Variants in ITPR3 observed in about 807,000 individuals in gnomAD.
ITPR3 encodes the protein inositol 1,4,5-trisphosphate-gated calcium channel ITPR3.
ITPR3 carries 173 observed loss-of-function variants against 293.2 expected under a neutral mutation model. The ratio of observed to expected loss-of-function variants is 0.59; its 90% confidence interval spans 0.52 to 0.67. The LOEUF is 0.67. Among genes scored for constraint, ITPR3 ranks in the 30% least tolerant of loss-of-function variants. The probability of loss-of-function intolerance (pLI) is 0.00; values close to 1 mark genes in which losing one functional copy is unlikely to be tolerated. For missense variants in ITPR3, 2,796 were observed against 3,592.1 expected (o/e 0.78, Z 5.66); for synonymous variants, 1,295 against 1,444.4 (o/e 0.90, Z 2.35).
chr6:33,680,641 C>T lies in ITPR3; in HGVS notation c.4437C>T (p.Phe1479=). ...LSVVLDTINA[F]FSSPFSENST... is the part of the protein sequence containing the mutation. Reference sequence around the variant, plus strand: ...TTGTGCTGGACACCATCAACGCCTTCTTCAGCTCCCCATTCTCTGAGAACA... The same window carrying T: ...TTGTGCTGGACACCATCAACGCCTTTTTCAGCTCCCCATTCTCTGAGAACA... Residue 1479 remains phenylalanine (F), a synonymous_variant, in exon 33 of 58, where the codon TTC becomes TTT. Coordinates refer to ENST00000605930, the MANE Select transcript of ITPR3 (RefSeq NM_002224.4). 2 of 1,614,110 alleles carry T rather than the reference C, an allele frequency of 1.2e-6. No individual in the cohort carries two copies. Among genetic ancestry groups the T allele is most frequent in the Non-Finnish European group, 1.7e-6 (2 of 1,179,988 alleles).
At chr6:33,686,365 T>C (rs1225486078) in intron 42 of ITPR3, 44 bp from the exon 43 acceptor site, 1 of 1,599,986 alleles carries the variant, frequency 6.3e-7, no homozygotes, top group Non-Finnish European at 8.6e-7. Flanking sequence ...CTGCCACTAT[T>C]CTGAGAGGGC....
rs376639833 is a variant in ITPR3 at position 33,694,954 on chromosome 6, C to G, written c.7816C>G (p.Arg2606Gly). The G allele has an allele frequency of 6.2e-6, 10 of 1,614,064 alleles. No homozygotes were observed. In the East Asian group the frequency reaches 6.7e-5, roughly 11 times the overall value. The change falls in exon 57 of 58, where the codon CGG becomes GGG. Residue 2606 changes from arginine (R) to glycine (G), a missense_variant. This residue lies in a region of ITPR3 where 568 missense variants were observed against 796.1 expected (regional missense o/e 0.71). Coordinates refer to ENST00000605930, the MANE Select transcript of ITPR3 (RefSeq NM_002224.4). ...GAACCTGGACTGGTTCCCCCGGATG[C>G]GGGCCATGTCCCTTGTCAGCAATGA... is the stretch of plus-strand genomic sequence containing the variant. ...NKNLDWFPRM[R>G]AMSLVSNEGE...
At position 33,672,368 on chromosome 6, in the gene ITPR3, C is replaced by A. The variant is rs1396168567; in HGVS notation, c.2928+140C>A. On this transcript the variant is annotated intron_variant, in intron 22 of 57. Coordinates refer to ENST00000605930, the MANE Select transcript of ITPR3 (RefSeq NM_002224.4). The surrounding 1 kb of genome is among the most constrained non-coding windows in gnomAD (Gnocchi z 5.0). ...GTCTCCATCGTGACTGGCTGTCAGG[C>A]CCAGCGGTTCCCACAGTGTGGTTCT... is the stretch of plus-strand genomic sequence containing the variant. The A allele has an allele frequency of 5.6e-6, 4 of 716,268 alleles. No homozygotes were observed. The East Asian group carries it at 1.1e-4, about 20-fold the overall frequency. 44.4% of individuals were successfully genotyped at this position (716,268 alleles called of 1,614,324 possible).
rs550951097 is a variant in ITPR3 at position 33,686,943 on chromosome 6, G to A, written c.5980-66G>A. 2.0e-4 allele frequency: 253 copies of A among 1,260,612 alleles called. 3 individuals are homozygous for A. In the South Asian group the frequency reaches 2.8e-3, roughly 14 times the overall value. 78.1% of individuals were successfully genotyped at this position (1,260,612 alleles called of 1,614,324 possible). On this transcript the variant is annotated intron_variant, in intron 43 of 57. Coordinates refer to ENST00000605930, the MANE Select transcript of ITPR3 (RefSeq NM_002224.4). ...GGAGAGCTGTTATGGAGAGGAATGA[G>A]GGAGAAGTTGTCAGGGGCATGGTGT...
intron 7 of ITPR3, among the ~76,000 whole-genome samples, chr6:33,660,703 TG>T (rs1764440111): frequency 6.6e-6 from 1 of 151,780 alleles, no homozygotes; most frequent in South Asian, 2.1e-4. Flanking sequence ...CCGAAGCGGG[TG>T]GATCACTTGA....
chr6:33,650,202 G>T (rs1764155065), intron 2 of ITPR3, among the ~76,000 whole-genome samples: 1 of 152,192 alleles, frequency 6.6e-6, no homozygotes, highest in African/African-American at 2.4e-5. Context: ...GAAGGCTCAG[G>T]CCCCTTCTGG....
Position 33,675,822 on chromosome 6 carries a change from G to T in ITPR3, c.3248G>T (p.Ser1083Ile). The change falls in exon 25 of 58, where the codon AGC (serine) becomes ATC (isoleucine). Residue 1083 changes from serine (S) to isoleucine (I), a missense_variant. Around this residue, in one of 8 missense-constraint regions of ITPR3, gnomAD observed 955 missense variants for 1,180.8 expected, o/e 0.81. Transcript: ENST00000605930. This position sits in a 1 kb window ranked among gnomAD's most constrained non-coding sequence, Gnocchi z 5.0. ...GALQLLFKHF[S>I]QRQEAMHTFK... ...CTGCAGCTGCTCTTCAAGCACTTCA[G>T]CCAGCGCCAGGAGGCCATGCACACC... 1 of 1,587,402 alleles carries T rather than the reference G, an allele frequency of 6.3e-7. No individual in the cohort carries two copies. Among genetic ancestry groups the T allele is most frequent in the Non-Finnish European group, 8.6e-7 (1 of 1,167,062 alleles).
chr6:33,637,499 C>T (rs1017013450), intron 1 of ITPR3, among the ~76,000 whole-genome samples: 2 of 152,164 alleles, frequency 1.3e-5, no homozygotes, highest in Non-Finnish European at 2.9e-5. Flanking sequence ...AACGGAGTCC[C>T]GCTCTTTTGC....
chr6:33,622,153 A>C (rs1375566028), intron 1 of ITPR3, among the ~76,000 whole-genome samples: 1 of 151,894 alleles, frequency 6.6e-6, no homozygotes, highest in African/African-American at 2.4e-5. Context: ...GAGGGGTCGC[A>C]CCTTCTCCTC....
At position 33,628,582 on chromosome 6, in the gene ITPR3, A is replaced by C. The variant is rs190282730; in HGVS notation, c.89+6891A>C. Among the ~76,000 whole-genome samples, 28 of 152,288 alleles carry C rather than the reference A, an allele frequency of 1.8e-4. No homozygotes were observed. In the East Asian group the frequency reaches 4.6e-3, roughly 25 times the overall value. On this transcript the variant is annotated intron_variant, in intron 1 of 57. Transcript: ENST00000605930. ...GCAGAAATGAGGCTGGGCGTTCACA[A>C]CACAGTGAGTCCAGGGTGTGGGCTG...
At chr6:33,626,868 C>A (rs1763560222) in intron 1 of ITPR3, among the ~76,000 whole-genome samples, 1 of 152,224 alleles carries the variant, frequency 6.6e-6, no homozygotes, top group Non-Finnish European at 1.5e-5. Flanking sequence ...TACAATGGCA[C>A]AATCTCAGCT....
chr6:33,685,115 C>T (rs868317980), intron 39 of ITPR3, among the ~76,000 whole-genome samples, 172 bp downstream of exon 39: 1 of 152,104 alleles, frequency 6.6e-6, no homozygotes, highest in Admixed American at 6.5e-5. Context: ...GGTGAGGAGA[C>T]GGGCTCAGGC....
In ITPR3 at chr6:33,691,517, C is replaced by A; in HGVS notation, c.7226-98C>A. ...ACAGTGGAGGGCTGGCGATCCAGGACCAGGGAAGGTTTCCTGGAGGATGTG... is the reference window on the plus strand; with the variant it reads ...ACAGTGGAGGGCTGGCGATCCAGGAACAGGGAAGGTTTCCTGGAGGATGTG... On this transcript the variant is annotated intron_variant, in intron 52 of 57. Coordinates refer to ENST00000605930, the MANE Select transcript of ITPR3 (RefSeq NM_002224.4). The surrounding 1 kb of genome is among the most constrained non-coding windows in gnomAD (Gnocchi z 4.9). The A allele has an allele frequency of 1.0e-6, 1 of 988,486 alleles. No homozygotes were observed. 61.2% of individuals were successfully genotyped at this position (988,486 alleles called of 1,614,324 possible).
chr6:33,687,187 C>T lies in ITPR3; in HGVS notation c.6076-39C>T, dbSNP rs746365418. 1 of 1,597,666 alleles carries T rather than the reference C, an allele frequency of 6.3e-7. No individual in the cohort carries two copies. The highest frequency in any genetic ancestry group is 2.2e-5 in the East Asian group (1 of 44,780). ...ATGAGGGCCCGGCTGGCCCTACCGC[C>T]CTAGGAAGAGAGCATTGGAACAGGC... On this transcript the variant is annotated intron_variant, in intron 44 of 57. Transcript: ENST00000605930. The surrounding 1 kb of genome is among the most constrained non-coding windows in gnomAD (Gnocchi z 5.3).
chr6:33,671,957 C>T, intron 21 of ITPR3, 72 bp from the exon 22 acceptor site: 1 of 1,384,268 alleles, frequency 7.2e-7, no homozygotes, highest in East Asian at 2.3e-5. Flanking sequence ...CTGCCTCCCT[C>T]ATCAGACCAG....
chr6:33,691,585 T>C lies in ITPR3; in HGVS notation c.7226-30T>C, dbSNP rs1765390962. 6.3e-7 allele frequency: 1 copy of C among 1,586,604 alleles called. No individual in the cohort carries two copies. The highest frequency in any genetic ancestry group is 1.3e-5 in the African/African-American group (1 of 74,410). On this transcript the variant is annotated intron_variant, in intron 52 of 57. Transcript: ENST00000605930. The surrounding 1 kb of genome is among the most constrained non-coding windows in gnomAD (Gnocchi z 4.9). ...AGGGGATAAGGCCAGGCACTGGACC[T>C]CCTGATGATCTCATCCATATCCCCT...
rs900999227 is a variant in ITPR3, at chr6:33,670,069, T to C, written c.2190-256T>C. ...CACTGCCCTCCCCTGTCTCCCACCC[T>C]TTCCCTCATCTTTCAGACGTCCCTC... On this transcript the variant is annotated intron_variant, in intron 18 of 57. Transcript: ENST00000605930. This position sits in a 1 kb window ranked among gnomAD's most constrained non-coding sequence, Gnocchi z 6.7. Among the ~76,000 whole-genome samples the C allele has an allele frequency of 4.0e-5, 6 of 148,446 alleles. No individual in the cohort carries two copies. Among genetic ancestry groups the C allele is most frequent in the Non-Finnish European group, 8.9e-5 (6 of 67,090 alleles).
At chr6:33,678,956 AGCTGCTGACCATGGAGGGGAC>A (rs1764993683) in intron 30 of ITPR3, 117 bp downstream of exon 30, 1 of 1,036,742 alleles carries the variant, frequency 9.6e-7, no homozygotes, top group African/African-American at 1.6e-5. Context: ...AGGAACACTC[AGCTGCTGACCATGGAGGGGAC>A]GCAGAGGGAG....
intron 2 of ITPR3, among the ~76,000 whole-genome samples, chr6:33,653,278 C>CATT (rs370927791): frequency 2.4e-4 from 32 of 132,074 alleles, no homozygotes; most frequent in Non-Finnish European, 2.6e-4. Context: ...TTTTTATTAA[C>CATT]TTTTTTTTTT....
Sources: gnomAD v4.1 joint callset for allele counts (sites outside exome capture counted in the v4.1 genomes callset) on GRCh38, gnomAD v4.1.1 for gene constraint, gnomAD v4.1.1 regional missense constraint, Gnocchi (gnomAD v3.1) non-coding constraint, MANE v1.5 for transcripts, NCBI Gene and HGNC (gene_info 2026-07-23, HGNC 2026-07-21) for gene names.